The following SYNJ2BP variants were observed in gnomAD, a reference collection of about 807,000 sequenced individuals.
SYNJ2BP encodes the protein synaptojanin-2-binding protein.
In SYNJ2BP, 10 loss-of-function variants were observed where a neutral mutation model predicts 16.9. The ratio of observed to expected loss-of-function variants is 0.59; its 90% confidence interval spans 0.36 to 1.00. The LOEUF (loss-of-function observed/expected upper bound fraction) is 1.00. Among genes scored for constraint, SYNJ2BP ranks in the 50% least tolerant of loss-of-function variants. SYNJ2BP has a pLI of 0.01. For missense variants in SYNJ2BP, 162 were observed against 186.7 expected (o/e 0.87, Z 0.77); for synonymous variants, 54 against 68.4 (o/e 0.79, Z 1.04).
chr14:70,392,090 G>A (rs1887992248), intron 1 of SYNJ2BP, among the ~76,000 whole-genome samples: 1 of 152,192 alleles, frequency 6.6e-6, no homozygotes, highest in Non-Finnish European at 1.5e-5. Flanking sequence ...AAGATGTTGT[G>A]TTATCATCTG....
chr14:70,405,921 T>A (rs1298413882), intron 1 of SYNJ2BP, among the ~76,000 whole-genome samples: 1 of 152,204 alleles, frequency 6.6e-6, no homozygotes, highest in Non-Finnish European at 1.5e-5. Flanking sequence ...AGAGTAAAGG[T>A]CTTTGCTTTC....
intron 1 of SYNJ2BP, among the ~76,000 whole-genome samples, chr14:70,407,465 C>A (rs1268864052): frequency 2.0e-5 from 3 of 151,664 alleles, no homozygotes; most frequent in Admixed American, 1.3e-4. Flanking sequence ...ACCACAATTA[C>A]TTCTGCACCA....
intron 2 of SYNJ2BP, among the ~76,000 whole-genome samples, chr14:70,385,351 T>TTTTAA: frequency 7.0e-6 from 1 of 142,894 alleles, no homozygotes; most frequent in East Asian, 1.9e-4. Flanking sequence ...CTTATTTTAT[T>TTTTAA]TTTATTTTAT....
At chr14:70,408,796 G>T (rs7149261) in intron 1 of SYNJ2BP, among the ~76,000 whole-genome samples, 132,832 of 152,256 alleles carry the variant, frequency 0.87, 58,003 homozygotes, top group African/African-American at 0.91. Flanking sequence ...GTCACACAGT[G>T]AGTGAGTGAT....
intron 2 of SYNJ2BP, among the ~76,000 whole-genome samples, chr14:70,383,122 T>C (rs965145549): frequency 2.6e-5 from 4 of 152,312 alleles, no homozygotes; most frequent in African/African-American, 7.2e-5. Context: ...AAAGTCAGTG[T>C]GTTATAATGC....
rs1014593473 is a variant in SYNJ2BP at position 70,371,249 on chromosome 14, T to C, written c.*1742A>G. 1.3e-5 allele frequency: 2 copies of C among 152,186 alleles called. No individual in the cohort carries two copies. The highest frequency in any genetic ancestry group is 4.8e-5 in the African/African-American group (2 of 41,450). The allele number at this position is 152,186 out of a possible 1,614,324, so 9.4% of individuals were successfully genotyped here. A position where few individuals can be genotyped will look rare whatever the true frequency, so the allele number is the denominator to read the frequency against. The stretch of plus-strand genomic sequence containing the variant: ...CCCACCTTATCGAGATCACTGGCAT[T>C]CCATAGTATCCATTCATTCATATCC... On this transcript the variant is annotated 3_prime_UTR_variant, in exon 4 of 4. Transcript: ENST00000256366.
Position 70,367,561 on chromosome 14 carries a change from CAAAAAAAAAAAAA to C in SYNJ2BP, c.*5417_*5429del, listed in dbSNP as rs71448320. 2.7e-5 allele frequency: 1 copy of C among 36,950 alleles called. No homozygotes were observed. The highest frequency in any genetic ancestry group is 5.1e-5 in the Non-Finnish European group (1 of 19,440). The allele number at this position is 36,950 out of a possible 1,614,324, so 2.3% of individuals were successfully genotyped here. ...TAGGCGACAGAGCAAGACTCCGTCT[CAAAAAAAAAAAAA>C]AAAAAAAAAAAAAGAAAAGAAAAGA... On this transcript the variant is annotated 3_prime_UTR_variant, in exon 4 of 4. Transcript: ENST00000256366.
rs906858582 is a variant in SYNJ2BP, at chr14:70,367,304, A to C, written c.*5687T>G. On this transcript the variant is annotated 3_prime_UTR_variant, in exon 4 of 4. Transcript: ENST00000256366. The stretch of plus-strand genomic sequence containing the variant: ...AATACAAGAGTCTGTGGCAGTTAAG[A>C]ATCTGGTTCTGCACTTTGGGAGGCC... The C allele has an allele frequency of 8.5e-5, 13 of 152,220 alleles. No homozygotes were observed. Among genetic ancestry groups the C allele is most frequent in the African/African-American group, 2.6e-4 (11 of 41,538 alleles). The allele number at this position is 152,220 out of a possible 1,614,324, so 9.4% of individuals were successfully genotyped here.
chr14:70,381,271 A>G (rs1024056370), intron 2 of SYNJ2BP, among the ~76,000 whole-genome samples: 2 of 152,248 alleles, frequency 1.3e-5, no homozygotes, highest in East Asian at 1.9e-4. Flanking sequence ...AGTTAAGCCA[A>G]TTATGCCTTT....
At chr14:70,380,358 C>T (rs1887719876) in intron 2 of SYNJ2BP, among the ~76,000 whole-genome samples, 1 of 152,090 alleles carries the variant, frequency 6.6e-6, no homozygotes, top group African/African-American at 2.4e-5. Context: ...TAATGTTACA[C>T]ATTTAAAAAG....
chr14:70,413,376 C>T (rs7159587), intron 1 of SYNJ2BP, among the ~76,000 whole-genome samples: 27,984 of 152,176 alleles, frequency 0.18, 3,521 homozygotes, highest in East Asian at 0.53. Flanking sequence ...GGGTGGCTCA[C>T]GCCTGTAATC....
At position 70,368,375 on chromosome 14, in the gene SYNJ2BP, G is replaced by C. The variant is rs1177818826; in HGVS notation, c.*4616C>G. On this transcript the variant is annotated 3_prime_UTR_variant, in exon 4 of 4. Coordinates refer to ENST00000256366, the MANE Select transcript of SYNJ2BP (RefSeq NM_018373.3). ...TGGGTAGTCTGTGTATTCATGTAGT[G>C]AATATATTCAAGACATAAATATGAG... 2 of 152,172 alleles carry C rather than the reference G, an allele frequency of 1.3e-5. No homozygotes were observed. Among genetic ancestry groups the C allele is most frequent in the Non-Finnish European group, 1.5e-5 (1 of 68,024 alleles). The allele number at this position is 152,172 out of a possible 1,614,324, so 9.4% of individuals were successfully genotyped here. A position where few individuals can be genotyped will look rare whatever the true frequency, so the allele number is the denominator to read the frequency against.
At chr14:70,403,063 G>A (rs546342467) in intron 1 of SYNJ2BP, among the ~76,000 whole-genome samples, 13 of 152,268 alleles carry the variant, frequency 8.5e-5, no homozygotes, top group African/African-American at 3.1e-4. Context: ...ATGGTATATA[G>A]ATATAAGTTC....
rs114736700 is a variant in SYNJ2BP at position 70,401,388 on chromosome 14, G to C, written c.65-12782C>G. 9.4e-3 allele frequency among the ~76,000 whole-genome samples: 1,437 copies of C among 152,110 alleles called. 27 individuals are homozygous for C. The highest frequency in any genetic ancestry group is 0.032 in the African/African-American group (1,343 of 41,506). ...AGGAGAGAGGATCACTTCAGGCCAG[G>C]AGTTTGAGACCAGCCTGGGCAATGT... On this transcript the variant is annotated intron_variant, in intron 1 of 3. Transcript: ENST00000256366.
chr14:70,387,258 C>A (rs1887879086), intron 2 of SYNJ2BP, among the ~76,000 whole-genome samples: 1 of 152,126 alleles, frequency 6.6e-6, no homozygotes, highest in African/African-American at 2.4e-5. Context: ...AAAAGAAATT[C>A]TACAGAATAA....
At chr14:70,393,253 T>C (rs571075102) in intron 1 of SYNJ2BP, among the ~76,000 whole-genome samples, 1 of 152,078 alleles carries the variant, frequency 6.6e-6, no homozygotes, top group Non-Finnish European at 1.5e-5. Context: ...TCAAAAGAGA[T>C]GCCATCTCAT....
At chr14:70,383,913 G>A (rs1887803732) in intron 2 of SYNJ2BP, among the ~76,000 whole-genome samples, 1 of 151,424 alleles carries the variant, frequency 6.6e-6, no homozygotes, top group African/African-American at 2.4e-5. Context: ...ATCATCTACA[G>A]TGATCATAAA....
Position 70,375,761 on chromosome 14 carries a change from T to C in SYNJ2BP, c.212A>G (p.Gln71Arg). The C allele has an allele frequency of 6.2e-7, 1 of 1,614,050 alleles. No individual in the cohort carries two copies. Among genetic ancestry groups the C allele is most frequent in the Non-Finnish European group, 8.5e-7 (1 of 1,179,970 alleles). The change falls in exon 3 of 4, where the codon CAA becomes CGA. Residue 71 changes from glutamine (Q) to arginine (R), a missense_variant. Coordinates refer to ENST00000256366, the MANE Select transcript of SYNJ2BP (RefSeq NM_018373.3). ...CTGGTGCAGCAGGTTCTTTAGGTCTTGGCCATTTACCTGTCAAAACACCAA... is the reference window on the plus strand; with the variant it reads ...CTGGTGCAGCAGGTTCTTTAGGTCTCGGCCATTTACCTGTCAAAACACCAA... ...EGDKILSVNG[Q>R]DLKNLLHQDA...
At chr14:70,381,760 C>A (rs898324601) in intron 2 of SYNJ2BP, among the ~76,000 whole-genome samples, 2 of 152,240 alleles carry the variant, frequency 1.3e-5, no homozygotes, top group Non-Finnish European at 2.9e-5. Context: ...ATTCTCAAGT[C>A]TGAGTTAGTT....
Sources: gnomAD v4.1 joint callset for allele counts (sites outside exome capture counted in the v4.1 genomes callset) on GRCh38, gnomAD v4.1.1 for gene constraint, MANE v1.5 for transcripts, NCBI Gene and HGNC (gene_info 2026-07-23, HGNC 2026-07-21) for gene names.